Variants in ERBB4 observed in about 807,000 individuals in gnomAD.
The protein encoded by ERBB4 is erb-b2 receptor tyrosine kinase 4.
ERBB4 carries 42 observed loss-of-function variants against 158.0 expected under a neutral mutation model. The ratio of observed to expected loss-of-function variants is 0.27; its 90% confidence interval spans 0.21 to 0.34. The LOEUF (loss-of-function observed/expected upper bound fraction) is 0.34. ERBB4 is among the 10% of genes least tolerant of loss of function. The pLI is 1.00. For missense variants in ERBB4, 1,333 were observed against 1,624.1 expected (o/e 0.82, Z 3.08); for synonymous variants, 583 against 558.7 (o/e 1.04, Z -0.61).
In ERBB4 at chr2:211,775,270, C is replaced by T. The variant is rs141293003; in HGVS notation, c.556+12755G>A. Among the ~76,000 whole-genome samples, 506 of 152,228 alleles carry T rather than the reference C, an allele frequency of 3.3e-3. 5 individuals carry two copies. Among genetic ancestry groups the T allele is most frequent in the African/African-American group, 0.012 (481 of 41,540 alleles). On this transcript the variant is annotated intron_variant, in intron 4 of 27. Coordinates refer to ENST00000342788, the MANE Select transcript of ERBB4 (RefSeq NM_005235.3). ...TGGTCTTTCAGCTGTTCTTGAGTAG[C>T]TCGTCTGGTTTTGGGGGACTTGGCT...
chr2:212,119,764 T>TG (rs530937372), intron 2 of ERBB4, among the ~76,000 whole-genome samples: 1 of 152,196 alleles, frequency 6.6e-6, no homozygotes, highest in Admixed American at 6.5e-5. Context: ...GCATGAAAGG[T>TG]GTTTACAGAG....
At chr2:211,907,538 T>C (rs957680671) in intron 3 of ERBB4, among the ~76,000 whole-genome samples, 3 of 151,530 alleles carry the variant, frequency 2.0e-5, no homozygotes, top group African/African-American at 7.3e-5. Flanking sequence ...GAAGATCAAG[T>C]CATTTTATTT....
chr2:212,111,264 C>T (rs1261805169), intron 2 of ERBB4, among the ~76,000 whole-genome samples: 1 of 152,208 alleles, frequency 6.6e-6, no homozygotes, highest in African/African-American at 2.4e-5. Context: ...TTGAATACAT[C>T]TCTGCCTTCA....
chr2:212,392,980 A>G (rs978552766), intron 1 of ERBB4, among the ~76,000 whole-genome samples: 7 of 151,982 alleles, frequency 4.6e-5, no homozygotes, highest in African/African-American at 7.2e-5. Flanking sequence ...AAGGTCTTCT[A>G]GGACTGACAG....
In ERBB4 at chr2:211,595,824, G is replaced by A. The variant is rs573308774; in HGVS notation, c.2301+23353C>T. On this transcript the variant is annotated intron_variant, in intron 19 of 27. Coordinates refer to ENST00000342788, the MANE Select transcript of ERBB4 (RefSeq NM_005235.3). ...ATGAAAGGGTCAAGTTTTTGTATACGTGGGTTCTTCAGGCTGACTGTGGGA... is the reference window on the plus strand; with the variant it reads ...ATGAAAGGGTCAAGTTTTTGTATACATGGGTTCTTCAGGCTGACTGTGGGA... Among the ~76,000 whole-genome samples, 6 of 152,272 alleles carry A rather than the reference G, an allele frequency of 3.9e-5. No individual in the cohort carries two copies. In the East Asian group the frequency reaches 1.2e-3, roughly 29 times the overall value.
At chr2:211,581,904 G>A (rs1334961952) in intron 19 of ERBB4, among the ~76,000 whole-genome samples, 1 of 152,122 alleles carries the variant, frequency 6.6e-6, no homozygotes, top group Non-Finnish European at 1.5e-5. Context: ...CAGCTACTCA[G>A]GAGGCTGAGG....
intron 4 of ERBB4, among the ~76,000 whole-genome samples, chr2:211,759,631 T>C (rs1210703853): frequency 1.3e-5 from 2 of 152,156 alleles, no homozygotes; most frequent in Non-Finnish European, 2.9e-5. Flanking sequence ...TCTTGTTAGA[T>C]GTCACCTCTC....
At chr2:212,251,145 G>A (rs1264414223) in intron 1 of ERBB4, among the ~76,000 whole-genome samples, 3 of 152,040 alleles carry the variant, frequency 2.0e-5, no homozygotes, top group Middle Eastern at 3.4e-3. Context: ...AATCTAAAAT[G>A]TCTTTACATC....
intron 1 of ERBB4, among the ~76,000 whole-genome samples, chr2:212,320,780 T>C (rs775104827): frequency 6.7e-6 from 1 of 150,248 alleles, no homozygotes; most frequent in Non-Finnish European, 1.5e-5. Flanking sequence ...GGATCATGAT[T>C]ACTTGCCCTA....
At chr2:211,678,182 C>T (rs992138372) in intron 13 of ERBB4, among the ~76,000 whole-genome samples, 3 of 151,564 alleles carry the variant, frequency 2.0e-5, no homozygotes, top group Non-Finnish European at 4.4e-5. Flanking sequence ...CTTTCAAAAC[C>T]ACTTCAAATA....
At chr2:212,169,038 C>T (rs191660854) in intron 1 of ERBB4, among the ~76,000 whole-genome samples, 17 of 152,140 alleles carry the variant, frequency 1.1e-4, no homozygotes, top group South Asian at 4.1e-4. Flanking sequence ...ATGGTAAAGA[C>T]GTGAGGAATA....
chr2:212,031,137 G>A (rs1283038393), intron 2 of ERBB4, among the ~76,000 whole-genome samples: 1 of 151,878 alleles, frequency 6.6e-6, no homozygotes, highest in Non-Finnish European at 1.5e-5. Flanking sequence ...TGATTTTAAG[G>A]CCCAGCTAAA....
At chr2:212,145,874 C>T (rs1015012394) in intron 1 of ERBB4, among the ~76,000 whole-genome samples, 10 of 152,152 alleles carry the variant, frequency 6.6e-5, no homozygotes, top group African/African-American at 1.7e-4. Context: ...TCCTTCAAAG[C>T]GGCTCCCCTT....
intron 19 of ERBB4, among the ~76,000 whole-genome samples, chr2:211,587,122 G>C (rs1482756943): frequency 6.6e-6 from 1 of 151,968 alleles, no homozygotes; most frequent in Non-Finnish European, 1.5e-5. Context: ...GGAGACCAAG[G>C]TGTGTGGATC....
At chr2:212,246,322 C>T (rs771121811) in intron 1 of ERBB4, among the ~76,000 whole-genome samples, 27 of 152,278 alleles carry the variant, frequency 1.8e-4, no homozygotes, top group East Asian at 7.7e-4. Flanking sequence ...AGCTTGAATA[C>T]GGCCACATGA....
At chr2:212,363,394 C>G (rs1439277753) in intron 1 of ERBB4, among the ~76,000 whole-genome samples, 1 of 151,318 alleles carries the variant, frequency 6.6e-6, no homozygotes, top group African/African-American at 2.4e-5. Flanking sequence ...ATCATAGCTA[C>G]AGATAATACC....
chr2:212,425,733 A>G (rs545970479), intron 1 of ERBB4, among the ~76,000 whole-genome samples: 78 of 152,100 alleles, frequency 5.1e-4, no homozygotes, highest in African/African-American at 1.8e-3. Flanking sequence ...CTATTTATAA[A>G]GTGATCTATC....
intron 2 of ERBB4, among the ~76,000 whole-genome samples, chr2:212,080,692 AAAC>A (rs2125466141): frequency 6.6e-6 from 1 of 151,220 alleles, no homozygotes; most frequent in East Asian, 1.9e-4. Context: ...AAAAAAAAAA[AAAC>A]CTCTTTATAT....
chr2:212,452,008 G>C (rs939742141), intron 1 of ERBB4, among the ~76,000 whole-genome samples: 1 of 146,008 alleles, frequency 6.8e-6, no homozygotes. Flanking sequence ...TGAGTGTGCA[G>C]GTTTTTTTTT....
Sources: allele counts gnomAD v4.1 joint callset (sites outside exome capture counted in the v4.1 genomes callset), GRCh38; gene constraint gnomAD v4.1.1; transcripts MANE v1.5; gene names NCBI Gene and HGNC (gene_info 2026-07-23, HGNC 2026-07-21).